Variants in FARP2 observed in about 807,000 individuals in gnomAD.
The protein encoded by FARP2 is FERM, ARH/RhoGEF and pleckstrin domain protein 2.
Under a neutral mutation model 130.5 loss-of-function variants are expected in FARP2, and 111 were observed. The ratio of observed to expected loss-of-function variants is 0.85; its 90% confidence interval spans 0.73 to 1.00. FARP2 has a LOEUF of 1.00. Among genes scored for constraint, FARP2 ranks in the 50% least tolerant of loss-of-function variants. The probability of loss-of-function intolerance (pLI) is 0.00; values close to 1 mark genes in which losing one functional copy is unlikely to be tolerated. For synonymous variants in FARP2, 504 were observed against 516.9 expected (o/e 0.98, Z 0.34); for missense variants, 1,385 against 1,346.3 (o/e 1.03, Z -0.45).
chr2:241,493,591 T>G, intron 26 of FARP2, 147 bp downstream of exon 26: 1 of 663,304 alleles, frequency 1.5e-6, no homozygotes, highest in Non-Finnish European at 2.5e-6. Flanking sequence ...AAAACAGCAA[T>G]GCTTTGTTTT....
chr2:241,383,566 C>T (rs544670183), intron 2 of FARP2, among the ~76,000 whole-genome samples: 1 of 152,250 alleles, frequency 6.6e-6, no homozygotes, highest in East Asian at 1.9e-4. Context: ...TGGAACTCCA[C>T]CCAGGACGTG....
chr2:241,453,546 T>C (rs1192140144), intron 13 of FARP2, among the ~76,000 whole-genome samples: 24 of 149,228 alleles, frequency 1.6e-4, no homozygotes, highest in South Asian at 4.3e-4. Context: ...GGCATGAACC[T>C]GGGAGGCGGA....
In FARP2 at chr2:241,441,311, C is replaced by T. The variant is rs138616009; in HGVS notation, c.1166C>T (p.Ser389Leu). Residue 389 changes from serine (S) to leucine (L), a missense_variant, in exon 13 of 27, where the codon TCA becomes TTA. By Grantham distance (145) the Ser-to-Leu change is moderately radical. Transcript: ENST00000264042. ...CTTAACTTTGGTTCCCAGAGCATCT[C>T]ATTCCCCGAGGGATTGAGGACTCCT... is the stretch of plus-strand genomic sequence containing the variant. ...LTADLPKQSI[S>L]FPEGLRTPAS... is the part of the protein sequence containing the mutation. 12 of 1,580,948 alleles carry T rather than the reference C, an allele frequency of 7.6e-6. No individual in the cohort carries two copies. The highest frequency in any genetic ancestry group is 2.7e-5 in the African/African-American group (2 of 73,582).
At position 241,493,295 on chromosome 2, in the gene FARP2, T is replaced by A; in HGVS notation, c.2898T>A (p.Asp966Glu). The A allele has an allele frequency of 6.2e-7, 1 of 1,613,562 alleles. No homozygotes were observed. Among genetic ancestry groups the A allele is most frequent in the South Asian group, 1.1e-5 (1 of 91,068 alleles). ...CGTGTCCCTATGCTGTCTTGCAGGA[T>A]GACTACCCACTGGCCAGCCTCCCGC... ...FCLFFYKTHQ[D>E]DYPLASLPLL... Residue 966 changes from aspartate to glutamate, a missense_variant and splice_region_variant, in exon 26 of 27, where the codon GAT becomes GAA. By Grantham distance (45) the Asp-to-Glu change is conservative. Coordinates refer to ENST00000264042, the MANE Select transcript of FARP2 (RefSeq NM_014808.4).
At position 241,422,042 on chromosome 2, in the gene FARP2, G is replaced by T. The variant is rs976349461; in HGVS notation, c.771+3933G>T. ...ACCTGTAGTCCCAGCTATTTAGGAG[G>T]CTGAGACAGGAGAATCACTTGAACA... On this transcript the variant is annotated intron_variant, in intron 8 of 26. Transcript: ENST00000264042. Among the ~76,000 whole-genome samples the T allele has an allele frequency of 3.9e-4, 60 of 152,036 alleles. 3 individuals carry two copies.
At chr2:241,376,755 A>T (rs190055245) in intron 2 of FARP2, among the ~76,000 whole-genome samples, 2 of 152,352 alleles carry the variant, frequency 1.3e-5, no homozygotes, top group Admixed American at 1.3e-4. Flanking sequence ...TTGGACCTGT[A>T]GACTGAGGCA....
intron 24 of FARP2, among the ~76,000 whole-genome samples, chr2:241,492,270 G>A (rs1218700865): frequency 6.6e-6 from 1 of 152,234 alleles, no homozygotes; most frequent in Non-Finnish European, 1.5e-5. Context: ...TGAGGGGGCT[G>A]AGCCCGAGCC....
intron 1 of FARP2, among the ~76,000 whole-genome samples, chr2:241,371,689 T>C (rs2061428194): frequency 6.6e-6 from 1 of 152,208 alleles, no homozygotes; most frequent in Non-Finnish European, 1.5e-5. Context: ...CGTGCAGTGC[T>C]ACATGCTTTG....
intron 7 of FARP2, among the ~76,000 whole-genome samples, chr2:241,416,305 T>G (rs2062670417): frequency 6.6e-6 from 1 of 152,102 alleles, no homozygotes. Context: ...GTGGTCTGCT[T>G]CATACGGGAA....
At position 241,441,531 on chromosome 2, in the gene FARP2, G is replaced by GC. The variant is rs777381934; in HGVS notation, c.1392dup (p.Ala465ArgfsTer38). The GC allele has an allele frequency of 3.1e-6, 5 of 1,614,024 alleles. No individual in the cohort carries two copies. Among genetic ancestry groups the GC allele is most frequent in the Admixed American group, 1.7e-5 (1 of 60,018 alleles). ...ACACACCATCGGCCCAGCCCCTCGG[G>GC]CCCCCCGCACTCCAGCCTGGTCCAG... On this transcript the variant is annotated frameshift_variant, in exon 13 of 27. Transcript: ENST00000264042. LOFTEE classifies it high-confidence loss of function.
At chr2:241,453,516 G>A (rs1276335300) in intron 13 of FARP2, among the ~76,000 whole-genome samples, 1 of 151,780 alleles carries the variant, frequency 6.6e-6, no homozygotes, top group East Asian at 2.0e-4. Flanking sequence ...CAGCTACTCG[G>A]GAGGCTGAGG....
chr2:241,446,837 T>C (rs2063524676), intron 13 of FARP2: 1 of 152,218 alleles, frequency 6.6e-6, no homozygotes, highest in African/African-American at 2.4e-5. Flanking sequence ...GCGGCTGGGA[T>C]GTGGGCAGAT....
In FARP2 at chr2:241,465,061, T is replaced by A. The variant is rs546318638; in HGVS notation, c.1893+1081T>A. On this transcript the variant is annotated intron_variant, in intron 17 of 26. Transcript: ENST00000264042. ...CAGAACAGACTCCACCTTAAAACATTGTTTGCCTTAGATCAGGGCCCTTAC... is the reference window on the plus strand; with the variant it reads ...CAGAACAGACTCCACCTTAAAACATAGTTTGCCTTAGATCAGGGCCCTTAC... 2.0e-5 allele frequency among the ~76,000 whole-genome samples: 3 copies of A among 152,218 alleles called. No individual in the cohort carries two copies. In the South Asian group the frequency reaches 6.2e-4, roughly 32 times the overall value.
intron 7 of FARP2, among the ~76,000 whole-genome samples, chr2:241,413,688 A>T (rs1027823369): frequency 4.6e-5 from 7 of 152,196 alleles, no homozygotes; most frequent in African/African-American, 1.7e-4. Flanking sequence ...CATGCCTGTT[A>T]TCCCAGCACC....
At chr2:241,493,572 C>A in intron 26 of FARP2, 128 bp downstream of exon 26, 2 of 785,202 alleles carry the variant, frequency 2.5e-6, no homozygotes, top group Non-Finnish European at 4.1e-6. Context: ...ATGCTTCCAG[C>A]ATTTCCAAAA....
At chr2:241,453,769 GTTTTTTTTTTTTTTTT>G (rs1180224982) in intron 13 of FARP2, among the ~76,000 whole-genome samples, 4 of 54,020 alleles carry the variant, frequency 7.4e-5, no homozygotes, top group Non-Finnish European at 1.4e-4. Flanking sequence ...GCACTTACTG[GTTTTTTTTTTTTTTTT>G]TTTTTTTTTT....
chr2:241,409,031 A>AGAT lies in FARP2; in HGVS notation c.410+1417_410+1419dup, dbSNP rs1326124077. Among the ~76,000 whole-genome samples, 111 of 118,496 alleles carry AGAT rather than the reference A, an allele frequency of 9.4e-4. 1 individual carries two copies. Among genetic ancestry groups the AGAT allele is most frequent in the Middle Eastern group, 4.3e-3 (1 of 234 alleles). 77.7% of individuals were successfully genotyped at this position (118,496 alleles called of 152,430 possible). ...CACTTTTAAATAGAGATAGATAGATAGATAGATGATAGATAGATAGATAGA... is the reference window on the plus strand; with the variant it reads ...CACTTTTAAATAGAGATAGATAGATAGATGATAGATGATAGATAGATAGATAGA... On this transcript the variant is annotated intron_variant, in intron 5 of 26. Coordinates refer to ENST00000264042, the MANE Select transcript of FARP2 (RefSeq NM_014808.4).
chr2:241,437,658 A>ATTTTTTTTTTTTTTTTT (rs1478318608), intron 12 of FARP2, among the ~76,000 whole-genome samples: 1 of 134,346 alleles, frequency 7.4e-6, no homozygotes, highest in African/African-American at 2.6e-5. Context: ...ATATTTATTT[A>ATTTTTTTTTTTTTTTTT]TTTATTTATT....
At chr2:241,401,450 T>A (rs758865584) in intron 2 of FARP2, among the ~76,000 whole-genome samples, 11 of 152,246 alleles carry the variant, frequency 7.2e-5, no homozygotes, top group Non-Finnish European at 1.5e-4. Flanking sequence ...TATAAATGTA[T>A]CCATGGGGCA....
Sources: gnomAD v4.1 joint callset for allele counts (sites outside exome capture counted in the v4.1 genomes callset) on GRCh38, gnomAD v4.1.1 for gene constraint, MANE v1.5 for transcripts, NCBI Gene and HGNC (gene_info 2026-07-23, HGNC 2026-07-21) for gene names.